Variants in STAT4 observed in about 807,000 individuals in gnomAD.
The protein encoded by STAT4 is signal transducer and activator of transcription 4.
In STAT4, 42 loss-of-function variants were observed where a neutral mutation model predicts 110.5. The observed-to-expected ratio is 0.38, with a 90% confidence interval of 0.30 to 0.49. The LOEUF is 0.49. STAT4 is among the 20% of genes least tolerant of loss of function. The pLI is 0.95. For synonymous variants in STAT4, 284 were observed against 302.2 expected (o/e 0.94, Z 0.63); for missense variants, 632 against 887.9 (o/e 0.71, Z 3.66).
chr2:191,095,340 C>T (rs543452662), intron 3 of STAT4, among the ~76,000 whole-genome samples: 1 of 152,224 alleles, frequency 6.6e-6, no homozygotes, highest in South Asian at 2.1e-4. Context: ...GCACTTATTC[C>T]AAAATTGACC....
At chr2:191,056,387 G>A (rs1033462209) in intron 13 of STAT4, among the ~76,000 whole-genome samples, 1 of 152,190 alleles carries the variant, frequency 6.6e-6, no homozygotes, top group Non-Finnish European at 1.5e-5. Flanking sequence ...AACAGGATGA[G>A]GCTGGGTCAG....
At chr2:191,074,463 C>G (rs897499654) in intron 4 of STAT4, among the ~76,000 whole-genome samples, 1 of 152,128 alleles carries the variant, frequency 6.6e-6, no homozygotes, top group Non-Finnish European at 1.5e-5. Flanking sequence ...ATAACCAGCA[C>G]TTCTTTTGTG....
At chr2:191,096,089 T>C (rs1010241571) in intron 3 of STAT4, among the ~76,000 whole-genome samples, 10 of 152,138 alleles carry the variant, frequency 6.6e-5, no homozygotes, top group Non-Finnish European at 2.9e-5. Context: ...AATCCCTGAA[T>C]AGACCAATAA....
rs1696991992 is a variant in STAT4, at chr2:191,066,557, CTG to C, written c.545-44_545-43del. On this transcript the variant is annotated intron_variant, in intron 6 of 23. Transcript: ENST00000392320. This position sits in a 1 kb window ranked among gnomAD's most constrained non-coding sequence, Gnocchi z 4.3. ...ATCAGATTTAGAGTTCTCTCTATTC[CTG>C]AAAGTCAAGTCAGCCTCAATCCACC... The C allele has an allele frequency of 6.3e-7, 1 of 1,585,342 alleles. No individual in the cohort carries two copies. The highest frequency in any genetic ancestry group is 1.3e-5 in the African/African-American group (1 of 74,204).
chr2:191,131,819 C>G, intron 3 of STAT4: 2 of 1,413,738 alleles, frequency 1.4e-6, no homozygotes, highest in Non-Finnish European at 1.8e-6. Context: ...GAAGCTAAGT[C>G]CTAGGGACAA....
rs1027826026 is a variant in STAT4 at position 191,090,306 on chromosome 2, C to T, written c.274-13981G>A. The stretch of plus-strand genomic sequence containing the variant: ...CATATGCCCTCCTTATGCTATTCCT[C>T]TCACCAGAAATGAATGAATTCGAAT... On this transcript the variant is annotated intron_variant, in intron 3 of 23. Coordinates refer to ENST00000392320, the MANE Select transcript of STAT4 (RefSeq NM_003151.4). The surrounding 1 kb of genome is among the most constrained non-coding windows in gnomAD (Gnocchi z 4.2). Among the ~76,000 whole-genome samples, 1 of 152,108 alleles carries T rather than the reference C, an allele frequency of 6.6e-6. No individual in the cohort carries two copies. The highest frequency in any genetic ancestry group is 2.4e-5 in the African/African-American group (1 of 41,428).
intron 3 of STAT4, among the ~76,000 whole-genome samples, chr2:191,123,749 T>A (rs1225039894): frequency 6.6e-6 from 1 of 152,242 alleles, no homozygotes; most frequent in East Asian, 1.9e-4. Context: ...TATTGGTTGT[T>A]CATCCTCATG....
At chr2:191,076,083 GC>G (rs1313705382) in intron 4 of STAT4, 143 bp downstream of exon 4, 9 of 635,524 alleles carry the variant, frequency 1.4e-5, no homozygotes, top group Non-Finnish European at 2.2e-5. Flanking sequence ...CAAACTCTTG[GC>G]TTCAAATGAT....
Position 191,046,685 on chromosome 2 carries a change from G to T in STAT4, c.1252-5537C>A, listed in dbSNP as rs1342864374. Among the ~76,000 whole-genome samples the T allele has an allele frequency of 6.6e-6, 1 of 152,202 alleles. No individual in the cohort carries two copies. The highest frequency in any genetic ancestry group is 1.5e-5 in the Non-Finnish European group (1 of 68,030). On this transcript the variant is annotated intron_variant, in intron 14 of 23. Transcript: ENST00000392320. The surrounding 1 kb of genome is among the most constrained non-coding windows in gnomAD (Gnocchi z 4.6). ...GTGCTATGATATTGTGATATAATAA[G>T]AAATCTATATTTGGTCCCTGCACCT...
At chr2:191,089,156 A>C (rs1172553423) in intron 3 of STAT4, among the ~76,000 whole-genome samples, 1 of 152,220 alleles carries the variant, frequency 6.6e-6, no homozygotes, top group Non-Finnish European at 1.5e-5. Context: ...CTAGGAGAGA[A>C]TATTGGCAAA....
At chr2:191,126,009 T>C (rs1313744309) in intron 3 of STAT4, among the ~76,000 whole-genome samples, 1 of 152,208 alleles carries the variant, frequency 6.6e-6, no homozygotes, top group Non-Finnish European at 1.5e-5. Context: ...AGCTGTTCAA[T>C]GCCTACAAAT....
intron 3 of STAT4, among the ~76,000 whole-genome samples, chr2:191,084,744 A>C (rs938102660): frequency 1.3e-5 from 2 of 152,016 alleles, no homozygotes; most frequent in Non-Finnish European, 2.9e-5. Context: ...GTTTTTCTAT[A>C]AATTAAACAT....
At position 191,030,990 on chromosome 2, in the gene STAT4, G is replaced by A; in HGVS notation, c.2202C>T (p.Pro734=). The change falls in exon 23 of 24, where the codon CCC becomes CCT. Residue 734 remains proline, a synonymous_variant. Coordinates refer to ENST00000392320, the MANE Select transcript of STAT4 (RefSeq NM_003151.4). The surrounding 1 kb of genome is among the most constrained non-coding windows in gnomAD (Gnocchi z 4.4). ...VYAVLRENLS[P]TTIETAMKSP... ...AACATACTGCAGTTTCAATTGTTGTGGGACTCAGGTTTTCTCTCAACACCG... is the reference window on the plus strand; with the variant it reads ...AACATACTGCAGTTTCAATTGTTGTAGGACTCAGGTTTTCTCTCAACACCG... The A allele has an allele frequency of 6.2e-7, 1 of 1,613,826 alleles. No homozygotes were observed. Among genetic ancestry groups the A allele is most frequent in the Non-Finnish European group, 8.5e-7 (1 of 1,179,760 alleles).
intron 8 of STAT4, 106 bp from the exon 9 acceptor site, chr2:191,063,026 T>C: frequency 1.2e-6 from 1 of 808,616 alleles, no homozygotes; most frequent in East Asian, 3.2e-5. Flanking sequence ...TAAGTAATTA[T>C]TAAATTAATT....
At chr2:191,072,151 C>T (rs190577364) in intron 5 of STAT4, among the ~76,000 whole-genome samples, 1 of 152,332 alleles carries the variant, frequency 6.6e-6, no homozygotes, top group African/African-American at 2.4e-5. Context: ...GCCTCTGCTG[C>T]ATCCTACTCC....
At chr2:191,069,846 T>TA in intron 5 of STAT4, 75 bp from the exon 6 acceptor site, 1 of 1,200,600 alleles carries the variant, frequency 8.3e-7, no homozygotes, top group Non-Finnish European at 1.2e-6. Context: ...ATAAGTATTT[T>TA]AAAAAACTGC....
At chr2:191,048,390 T>C (rs559125984) in intron 14 of STAT4, among the ~76,000 whole-genome samples, 1 of 152,320 alleles carries the variant, frequency 6.6e-6, no homozygotes, top group Admixed American at 6.5e-5. Context: ...ATAGTCTTCA[T>C]TATTTCATCA....
rs1205796925 is a variant in STAT4, at chr2:191,066,005, C to T, written c.630+425G>A. 6.6e-6 allele frequency among the ~76,000 whole-genome samples: 1 copy of T among 152,132 alleles called. No individual in the cohort carries two copies. The highest frequency in any genetic ancestry group is 2.4e-5 in the African/African-American group (1 of 41,444). On this transcript the variant is annotated intron_variant, in intron 7 of 23. Coordinates refer to ENST00000392320, the MANE Select transcript of STAT4 (RefSeq NM_003151.4). The surrounding 1 kb of genome is among the most constrained non-coding windows in gnomAD (Gnocchi z 4.3). ...AAATCTAGGAAATTGCTTAACACTA[C>T]GTCATTTCTCAGAGTAGAAACTAGA...
intron 3 of STAT4, among the ~76,000 whole-genome samples, chr2:191,125,641 G>C (rs959419556): frequency 1.3e-5 from 2 of 151,716 alleles, no homozygotes; most frequent in Non-Finnish European, 2.9e-5. Context: ...GTGTACGCAC[G>C]CTACCATGCC....
Sources: gnomAD v4.1 joint callset for allele counts (sites outside exome capture counted in the v4.1 genomes callset) on GRCh38, gnomAD v4.1.1 for gene constraint, Gnocchi (gnomAD v3.1) non-coding constraint, MANE v1.5 for transcripts, NCBI Gene and HGNC (gene_info 2026-07-23, HGNC 2026-07-21) for gene names.